TTC7A: variants seen among roughly 807,000 people sequenced by gnomAD.
The protein encoded by TTC7A is tetratricopeptide repeat protein 7A.
TTC7A carries 110 observed loss-of-function variants against 103.7 expected under a neutral mutation model. The observed-to-expected ratio is 1.06, with a 90% CI of 0.91 to 1.24. The LOEUF (loss-of-function observed/expected upper bound fraction) is 1.24, where lower values mean the gene tolerates loss of function less well. Ranked by LOEUF, TTC7A falls within the 50% of genes most tolerant of loss-of-function variation. TTC7A has a pLI of 0.00. For missense variants in TTC7A, 1,340 were observed against 1,116.3 expected, an observed-to-expected ratio of 1.20 and a Z score of -2.86; for synonymous variants, 521 against 467.9, an observed-to-expected ratio of 1.11 and a Z score of -1.47.
chr2:47,070,370 G>A (rs555772748), intron 19 of TTC7A, among the ~76,000 whole-genome samples: 6 of 152,362 alleles, frequency 3.9e-5, no homozygotes, highest in East Asian at 1.9e-4. Flanking sequence ...CAAGCTCCAC[G>A]TGGGCAGCAT....
chr2:47,044,949 C>T (rs1387467027), intron 15 of TTC7A, among the ~76,000 whole-genome samples: 1 of 152,196 alleles, frequency 6.6e-6, no homozygotes, highest in Non-Finnish European at 1.5e-5. Flanking sequence ...CAGGGGCAGG[C>T]CTGGCCTCAC....
At position 46,956,971 on chromosome 2, in the gene TTC7A, C is replaced by G. The variant is rs1671920411; in HGVS notation, c.481C>G (p.Gln161Glu). Residue 161 changes from glutamine to glutamate, a missense_variant, in exon 3 of 20, where the codon CAG becomes GAG. Gln to Glu is a conservative substitution (Grantham distance 29). Coordinates refer to ENST00000319190, the MANE Select transcript of TTC7A (RefSeq NM_020458.4). ...DMSMENKPLY[Q>E]MRLLSEAFVI... ...GTCCATGGAGAACAAGCCCCTGTAT[C>G]AGATGCGGCTGCTGTCGGAGGCTTT... The G allele has an allele frequency of 6.2e-7, 1 of 1,614,068 alleles. No homozygotes were observed. Among genetic ancestry groups the G allele is most frequent in the South Asian group, 1.1e-5 (1 of 91,078 alleles).
chr2:47,059,291 G>C (rs6733891), intron 18 of TTC7A, among the ~76,000 whole-genome samples: 6,362 of 151,992 alleles, frequency 0.042, 464 homozygotes, highest in African/African-American at 0.14. Context: ...AAAGTGCTGG[G>C]ACTACAGGCG....
At chr2:46,994,122 A>C (rs1396008011) in intron 6 of TTC7A, 1 of 517,014 alleles carries the variant, frequency 1.9e-6, no homozygotes, top group Non-Finnish European at 3.4e-6. Flanking sequence ...AGGAGAGGAG[A>C]GAAGAGAAAA....
At chr2:47,004,341 G>A (rs560913906) in intron 8 of TTC7A, among the ~76,000 whole-genome samples, 16 of 152,284 alleles carry the variant, frequency 1.1e-4, no homozygotes, top group Admixed American at 7.2e-4. Context: ...CCAGCCCTGC[G>A]CTGCAGGACA....
intron 15 of TTC7A, among the ~76,000 whole-genome samples, chr2:47,043,763 C>T (rs1006099050): frequency 2.6e-5 from 4 of 152,020 alleles, no homozygotes; most frequent in Admixed American, 6.5e-5. Flanking sequence ...AGGATGTGGT[C>T]GGGTTGAGAA....
chr2:46,919,991 G>C (rs1669015999), intron 2 of TTC7A, among the ~76,000 whole-genome samples: 2 of 152,116 alleles, frequency 1.3e-5, no homozygotes, highest in Admixed American at 1.3e-4. Flanking sequence ...TAAAAGCTTG[G>C]AATTTTGGCA....
At chr2:47,065,336 T>C (rs2104798829) in intron 19 of TTC7A, among the ~76,000 whole-genome samples, 1 of 152,348 alleles carries the variant, frequency 6.6e-6, no homozygotes, top group South Asian at 2.1e-4. Flanking sequence ...CATAGCATTT[T>C]CAACCAAGAG....
chr2:47,048,192 T>G (rs1177537545), intron 16 of TTC7A, among the ~76,000 whole-genome samples: 1 of 152,180 alleles, frequency 6.6e-6, no homozygotes, highest in Non-Finnish European at 1.5e-5. Flanking sequence ...AATGCTTCAT[T>G]CAACCCTCTC....
chr2:46,970,303 A>T (rs1051624586), intron 3 of TTC7A, among the ~76,000 whole-genome samples: 1 of 152,176 alleles, frequency 6.6e-6, no homozygotes, highest in Non-Finnish European at 1.5e-5. Flanking sequence ...TGAGCTTTCA[A>T]GAAGGATGGG....
chr2:46,942,789 A>G (rs1670555615), intron 1 of TTC7A, among the ~76,000 whole-genome samples: 1 of 152,226 alleles, frequency 6.6e-6, no homozygotes, highest in Non-Finnish European at 1.5e-5. Flanking sequence ...GATGTACAGC[A>G]CAAAATCCTT....
chr2:47,064,625 C>T (rs1378599989), intron 19 of TTC7A, among the ~76,000 whole-genome samples: 1 of 152,194 alleles, frequency 6.6e-6, no homozygotes, highest in East Asian at 1.9e-4. Flanking sequence ...ATCCCCTCTG[C>T]ACCAGGCACT....
At chr2:47,000,979 G>C (rs1676748242) in intron 8 of TTC7A, among the ~76,000 whole-genome samples, 1 of 152,110 alleles carries the variant, frequency 6.6e-6, no homozygotes, top group Non-Finnish European at 1.5e-5. Context: ...GGAGGTACCT[G>C]GAGGCACAGA....
chr2:47,052,890 G>C lies in TTC7A; in HGVS notation c.2152+1010G>C, dbSNP rs552994280. Among the ~76,000 whole-genome samples the C allele has an allele frequency of 4.3e-4, 65 of 152,304 alleles. No individual in the cohort carries two copies. The South Asian group carries it at 0.01, about 24-fold the overall frequency. ...ATGGGGGTGTGCTATTGTCCCCAGG[G>C]GGGGAGTTGGAGAAGAAACCGAAAG... On this transcript the variant is annotated intron_variant, in intron 18 of 19. Transcript: ENST00000319190.
chr2:46,997,334 G>C (rs1055946452), intron 8 of TTC7A, among the ~76,000 whole-genome samples: 3 of 152,130 alleles, frequency 2.0e-5, no homozygotes, highest in Middle Eastern at 3.2e-3. Context: ...GCAATTTACA[G>C]GTAGGTGGTG....
At chr2:46,918,285 T>A (rs1668919789) in intron 2 of TTC7A, among the ~76,000 whole-genome samples, 1 of 152,232 alleles carries the variant, frequency 6.6e-6, no homozygotes, top group South Asian at 2.1e-4. Context: ...ATCTCATCCC[T>A]TTACCTTTAA....
intron 3 of TTC7A, among the ~76,000 whole-genome samples, chr2:46,974,448 T>A (rs771577527): frequency 6.6e-6 from 1 of 152,212 alleles, no homozygotes; most frequent in Non-Finnish European, 1.5e-5. Context: ...AGTCACACTT[T>A]AGGATGTAAA....
At chr2:46,974,889 T>G in intron 3 of TTC7A, 84 bp from the exon 4 acceptor site, 1 of 1,556,384 alleles carries the variant, frequency 6.4e-7, no homozygotes, top group Non-Finnish European at 8.7e-7. Context: ...CCCCCTCGGA[T>G]GAGCCCACCT....
chr2:46,918,314 T>C (rs1668921003), intron 2 of TTC7A, among the ~76,000 whole-genome samples: 1 of 152,230 alleles, frequency 6.6e-6, no homozygotes, highest in Non-Finnish European at 1.5e-5. Flanking sequence ...GCAAAGCCTG[T>C]TGATGCTATC....
Sources: allele counts gnomAD v4.1 joint callset (sites outside exome capture counted in the v4.1 genomes callset), GRCh38; gene constraint gnomAD v4.1.1; transcripts MANE v1.5; gene names NCBI Gene and HGNC (gene_info 2026-07-23, HGNC 2026-07-21).